RBMS2: variants seen among roughly 807,000 people sequenced by gnomAD.
The protein encoded by RBMS2 is RNA-binding motif, single-stranded-interacting protein 2.
Under a neutral mutation model 58.4 loss-of-function variants are expected in RBMS2, and 38 were observed. The ratio of observed to expected loss-of-function variants is 0.65; its 90% CI spans 0.50 to 0.85. RBMS2 has a LOEUF of 0.85. Ranked by LOEUF, RBMS2 falls within the 40% of genes least tolerant of loss-of-function variation. RBMS2 has a pLI of 0.00. For missense variants in RBMS2, 367 were observed against 503.7 expected (o/e 0.73, Z 2.60); for synonymous variants, 151 against 180.7 (o/e 0.84, Z 1.32).
At chr12:56,535,347 TAGC>T (rs1874566410) in intron 1 of RBMS2, among the ~76,000 whole-genome samples, 5 of 151,832 alleles carry the variant, frequency 3.3e-5, no homozygotes, top group Non-Finnish European at 7.4e-5. Flanking sequence ...ATGCAAAAAT[TAGC>T]CAGGCGTGGT....
intron 7 of RBMS2, 86 bp from the exon 8 acceptor site, chr12:56,581,747 A>G (rs1883977421): frequency 2.1e-5 from 31 of 1,508,286 alleles, no homozygotes; most frequent in Non-Finnish European, 2.8e-5. Flanking sequence ...TGTTAAACCA[A>G]AACATTCCCA....
At position 56,596,019 on chromosome 12, in the gene RBMS2, G is replaced by GT. The variant is rs1885774265; in HGVS notation, c.*6892dup. On this transcript the variant is annotated 3_prime_UTR_variant, in exon 14 of 14. Transcript: ENST00000262031. Reference sequence around the variant, plus strand: ...GGAACATCACATGGCAAAAACAGGAGTTTTTTCGCTAGACTTTTTTTTTCT... The same window carrying GT: ...GGAACATCACATGGCAAAAACAGGAGTTTTTTTCGCTAGACTTTTTTTTTCT... The GT allele has an allele frequency of 1.3e-5, 2 of 152,796 alleles. No individual in the cohort carries two copies. The highest frequency in any genetic ancestry group is 2.9e-5 in the Non-Finnish European group (2 of 68,048). The allele number at this position is 152,796 out of a possible 1,614,324, so 9.5% of individuals were successfully genotyped here. A position where few individuals can be genotyped will look rare whatever the true frequency, so the allele number is the denominator to read the frequency against.
At chr12:56,558,999 G>T (rs907335822) in intron 1 of RBMS2, among the ~76,000 whole-genome samples, 1 of 152,076 alleles carries the variant, frequency 6.6e-6, no homozygotes, top group Non-Finnish European at 1.5e-5. Flanking sequence ...CTGAGCAGGT[G>T]GGATTACAGG....
chr12:56,556,036 C>G (rs1439034369), intron 1 of RBMS2, among the ~76,000 whole-genome samples: 1 of 148,990 alleles, frequency 6.7e-6, no homozygotes, highest in Non-Finnish European at 1.5e-5. Flanking sequence ...CAGAGCTAGA[C>G]TCTGTGTCTT....
intron 1 of RBMS2, among the ~76,000 whole-genome samples, chr12:56,535,934 C>T (rs1169839660): frequency 2.0e-5 from 3 of 152,058 alleles, no homozygotes; most frequent in Admixed American, 6.6e-5. Flanking sequence ...TGGTGGCTAA[C>T]ACCTGTAATC....
At chr12:56,544,754 A>ATTTTTTTTTTTTT (rs537510847) in intron 1 of RBMS2, among the ~76,000 whole-genome samples, 14 of 116,074 alleles carry the variant, frequency 1.2e-4, no homozygotes, top group East Asian at 2.5e-4. Flanking sequence ...CTAATTTTTA[A>ATTTTTTTTTTTTT]TTTTTTTTTT....
chr12:56,527,100 T>G (rs75169964), intron 1 of RBMS2, among the ~76,000 whole-genome samples: 16 of 152,334 alleles, frequency 1.1e-4, no homozygotes, highest in African/African-American at 3.4e-4. Context: ...GAGATTGTCA[T>G]GAGTGTTTAC....
chr12:56,546,616 A>T (rs1056585847), intron 1 of RBMS2, among the ~76,000 whole-genome samples: 1 of 151,910 alleles, frequency 6.6e-6, no homozygotes, highest in Non-Finnish European at 1.5e-5. Context: ...TACAGGCATG[A>T]GCCACCGTGC....
At chr12:56,578,541 T>A (rs961810260) in intron 5 of RBMS2, among the ~76,000 whole-genome samples, 5 of 152,266 alleles carry the variant, frequency 3.3e-5, no homozygotes, top group Non-Finnish European at 5.9e-5. Flanking sequence ...AAATTAATAT[T>A]GTTTATTACT....
upstream of RBMS2, among the ~76,000 whole-genome samples, chr12:56,521,502 G>GTTTTTTGTTTTTTTTTTTTTTTTTTT (rs1555185431): frequency 4.1e-5 from 3 of 73,168 alleles, no homozygotes; most frequent in African/African-American, 1.7e-4. Context: ...CTCTAACTCT[G>GTTTTTTGTTTTTTTTTTTTTTTTTTT]TTTTTTTTTT....
intron 2 of RBMS2, among the ~76,000 whole-genome samples, chr12:56,563,998 A>C (rs1316765771): frequency 6.6e-6 from 1 of 152,120 alleles, no homozygotes; most frequent in Non-Finnish European, 1.5e-5. Flanking sequence ...ACTAAATATA[A>C]TGTGCTACAA....
intron 11 of RBMS2, 189 bp downstream of exon 11, chr12:56,587,853 A>C (rs1199674044): frequency 2.1e-6 from 1 of 465,118 alleles, no homozygotes; most frequent in Non-Finnish European, 2.8e-6. Flanking sequence ...TCTGCTCCCC[A>C]GCCCACCCCT....
chr12:56,588,161 C>G, intron 11 of RBMS2, 133 bp from the exon 12 acceptor site: 1 of 717,194 alleles, frequency 1.4e-6, no homozygotes, highest in Non-Finnish European at 2.4e-6. Context: ...TTTTAAGATG[C>G]AAATGCTCAG....
chr12:56,539,330 T>A (rs1363160348), intron 1 of RBMS2, among the ~76,000 whole-genome samples: 2 of 152,174 alleles, frequency 1.3e-5, no homozygotes, highest in Non-Finnish European at 2.9e-5. Context: ...ATTCAGCAAT[T>A]CTATAAGTCT....
chr12:56,572,455 A>G (rs1176372684), intron 5 of RBMS2, among the ~76,000 whole-genome samples: 1 of 149,654 alleles, frequency 6.7e-6, no homozygotes, highest in Non-Finnish European at 1.5e-5. Flanking sequence ...CCACCTAAGC[A>G]GTTGGGATTA....
chr12:56,553,104 A>G (rs1318737384), intron 1 of RBMS2, among the ~76,000 whole-genome samples: 1 of 151,106 alleles, frequency 6.6e-6, no homozygotes. Flanking sequence ...TTTAGCAGAG[A>G]CGGGGTTTCA....
chr12:56,536,570 T>TTTG (rs1565732592), intron 1 of RBMS2, among the ~76,000 whole-genome samples: 3 of 151,924 alleles, frequency 2.0e-5, no homozygotes, highest in African/African-American at 7.2e-5. Flanking sequence ...TCTTTTTTTT[T>TTTG]TTTGTTTGTT....
chr12:56,532,606 C>G (rs1365534451), intron 1 of RBMS2, among the ~76,000 whole-genome samples: 1 of 151,882 alleles, frequency 6.6e-6, no homozygotes, highest in Non-Finnish European at 1.5e-5. Flanking sequence ...GCCATTGTTT[C>G]ATTTCTCTTC....
intron 1 of RBMS2, among the ~76,000 whole-genome samples, chr12:56,555,839 C>T (rs1016967993): frequency 6.6e-6 from 1 of 152,056 alleles, no homozygotes; most frequent in African/African-American, 2.4e-5. Flanking sequence ...AGTCCCCTCA[C>T]TCAGCCTCCC....
Sources: gnomAD v4.1 joint callset for allele counts (sites outside exome capture counted in the v4.1 genomes callset) on GRCh38, gnomAD v4.1.1 for gene constraint, MANE v1.5 for transcripts, NCBI Gene and HGNC (gene_info 2026-07-23, HGNC 2026-07-21) for gene names.